Variants in SLC16A12 observed in about 807,000 individuals in gnomAD.
The protein encoded by SLC16A12 is monocarboxylate transporter 12.
Under a neutral mutation model 42.4 loss-of-function variants are expected in SLC16A12, and 17 were observed. That is an observed-to-expected ratio of 0.40 (90% CI 0.27 to 0.60). The LOEUF (loss-of-function observed/expected upper bound fraction) is 0.60, where lower values mean the gene tolerates loss of function less well. SLC16A12 is among the 20% of genes least tolerant of loss of function. SLC16A12 has a pLI of 0.42. For synonymous variants in SLC16A12, 224 were observed against 229.4 expected, an observed-to-expected ratio of 0.98 and a Z score of 0.21; for missense variants, 544 against 623.0, an observed-to-expected ratio of 0.87 and a Z score of 1.35.
chr10:89,556,291 C>G (rs900951754), intron 1 of SLC16A12, among the ~76,000 whole-genome samples: 6 of 152,188 alleles, frequency 3.9e-5, no homozygotes, highest in African/African-American at 1.4e-4. Flanking sequence ...CTCAACCACT[C>G]CTGACCACTT....
intron 2 of SLC16A12, among the ~76,000 whole-genome samples, chr10:89,550,198 C>G (rs1195854701): frequency 6.6e-6 from 1 of 152,150 alleles, no homozygotes; most frequent in Admixed American, 6.5e-5. Flanking sequence ...CTCTTCCCAT[C>G]TATTCTCCAT....
At chr10:89,442,371 T>C (rs1564569805) in intron 4 of SLC16A12, among the ~76,000 whole-genome samples, 1 of 152,214 alleles carries the variant, frequency 6.6e-6, no homozygotes, top group Non-Finnish European at 1.5e-5. Context: ...ATGTTGCTTC[T>C]GACATAACCC....
intron 7 of SLC16A12, 115 bp from the exon 8 acceptor site, chr10:89,433,441 A>C: frequency 9.1e-7 from 1 of 1,094,430 alleles, no homozygotes; most frequent in East Asian, 2.6e-5. Flanking sequence ...CACCAATTGT[A>C]ACTTTGAAAC....
In SLC16A12 at chr10:89,453,683, A is replaced by T. The variant is rs541930847; in HGVS notation, c.200+8696T>A. Among the ~76,000 whole-genome samples, 3 of 152,236 alleles carry T rather than the reference A, an allele frequency of 2.0e-5. No individual in the cohort carries two copies. In the South Asian group the frequency reaches 6.2e-4, roughly 32 times the overall value. ...GTACACTCTATGATGTTCACATGAC[A>T]ATGAAATTGCTTAATGATATATTTC... On this transcript the variant is annotated intron_variant, in intron 3 of 7. Transcript: ENST00000371790.
chr10:89,465,270 G>C (rs1249865388), intron 2 of SLC16A12, among the ~76,000 whole-genome samples: 1 of 152,176 alleles, frequency 6.6e-6, no homozygotes, highest in African/African-American at 2.4e-5. Context: ...GCCCTGCACT[G>C]CTTCTACTAC....
chr10:89,441,330 G>T, intron 4 of SLC16A12, 79 bp from the exon 5 acceptor site: 3 of 1,574,130 alleles, frequency 1.9e-6, no homozygotes, highest in Non-Finnish European at 2.6e-6. Flanking sequence ...CATTGACAGA[G>T]GAGAGAACCT....
intron 2 of SLC16A12, among the ~76,000 whole-genome samples, chr10:89,547,139 G>C (rs1255240560): frequency 2.0e-5 from 3 of 152,046 alleles, no homozygotes; most frequent in Non-Finnish European, 4.4e-5. Flanking sequence ...TTCTGCACAT[G>C]TATCCCCATT....
chr10:89,447,888 A>G (rs1842029343), intron 3 of SLC16A12, among the ~76,000 whole-genome samples: 1 of 152,202 alleles, frequency 6.6e-6, no homozygotes, highest in Non-Finnish European at 1.5e-5. Context: ...AAAAGAGAGA[A>G]GAATCAAATC....
chr10:89,488,302 A>T (rs758491422), intron 2 of SLC16A12, among the ~76,000 whole-genome samples: 10 of 152,146 alleles, frequency 6.6e-5, no homozygotes, highest in Non-Finnish European at 1.5e-4. Flanking sequence ...AACTTTTTAA[A>T]GAATGAATAG....
At chr10:89,507,331 C>T (rs1449421182) in intron 2 of SLC16A12, among the ~76,000 whole-genome samples, 1 of 152,118 alleles carries the variant, frequency 6.6e-6, no homozygotes, top group East Asian at 1.9e-4. Flanking sequence ...AGAGAAAGGT[C>T]GGATTACCCA....
At chr10:89,454,143 A>G (rs1842142045) in intron 3 of SLC16A12, among the ~76,000 whole-genome samples, 1 of 151,726 alleles carries the variant, frequency 6.6e-6, no homozygotes, top group Admixed American at 6.6e-5. Context: ...CCCCTACCTC[A>G]GCCTCTCCAA....
chr10:89,556,234 A>G (rs922608334), intron 1 of SLC16A12, among the ~76,000 whole-genome samples: 1 of 152,178 alleles, frequency 6.6e-6, no homozygotes, highest in Non-Finnish European at 1.5e-5. Context: ...CCATTGATAA[A>G]TAATTTGCAG....
At chr10:89,541,283 T>C (rs937568408) in intron 2 of SLC16A12, among the ~76,000 whole-genome samples, 3 of 151,988 alleles carry the variant, frequency 2.0e-5, no homozygotes, top group Non-Finnish European at 4.4e-5. Flanking sequence ...TAAAATAAAA[T>C]CACCAGTACT....
intron 2 of SLC16A12, among the ~76,000 whole-genome samples, chr10:89,486,903 C>A (rs1317138166): frequency 6.6e-6 from 1 of 152,064 alleles, no homozygotes; most frequent in African/African-American, 2.4e-5. Context: ...GGTTCTAGAT[C>A]AAAAAGCAAC....
intron 2 of SLC16A12, among the ~76,000 whole-genome samples, chr10:89,504,287 T>A (rs1843028111): frequency 6.6e-6 from 1 of 152,182 alleles, no homozygotes; most frequent in African/African-American, 2.4e-5. Context: ...ACAGTCAATC[T>A]CATGTAAAGA....
At chr10:89,461,375 G>T (rs1589678588) in intron 3 of SLC16A12, among the ~76,000 whole-genome samples, 2 of 152,062 alleles carry the variant, frequency 1.3e-5, no homozygotes, top group Non-Finnish European at 2.9e-5. Flanking sequence ...AAGCTTCCAG[G>T]GGCTTAATGA....
At chr10:89,474,072 C>T (rs899524909) in intron 2 of SLC16A12, among the ~76,000 whole-genome samples, 4 of 152,192 alleles carry the variant, frequency 2.6e-5, no homozygotes, top group South Asian at 2.1e-4. Context: ...ATTTTACCTT[C>T]AAATTCCTTT....
upstream of SLC16A12, among the ~76,000 whole-genome samples, chr10:89,538,205 A>G (rs1437701594): frequency 1.3e-5 from 2 of 152,246 alleles, no homozygotes; most frequent in African/African-American, 4.8e-5. Flanking sequence ...AGCAAAGCAA[A>G]GGAACCCTAG....
At chr10:89,462,307 G>C in intron 3 of SLC16A12, 72 bp downstream of exon 3, 1 of 1,598,768 alleles carries the variant, frequency 6.3e-7, no homozygotes, top group Non-Finnish European at 8.6e-7. Context: ...GGTTCAGAAA[G>C]AGAATGAAGC....
Sources: allele counts gnomAD v4.1 joint callset (sites outside exome capture counted in the v4.1 genomes callset), GRCh38; gene constraint gnomAD v4.1.1; transcripts MANE v1.5; gene names NCBI Gene and HGNC (gene_info 2026-07-23, HGNC 2026-07-21).